The following CADM2 variants were observed in gnomAD, a reference collection of about 807,000 sequenced individuals.
The protein encoded by CADM2 is cell adhesion molecule 2, also known as immunoglobulin superfamily member 4D.
Under a neutral mutation model 49.8 loss-of-function variants are expected in CADM2, and 12 were observed. The observed-to-expected ratio is 0.24, with a 90% CI of 0.15 to 0.39. The LOEUF (loss-of-function observed/expected upper bound fraction) is 0.39. CADM2 is among the 10% of genes least tolerant of loss of function. The pLI is 1.00. For missense variants in CADM2, 378 were observed against 492.3 expected, an observed-to-expected ratio of 0.77 and a Z score of 2.20; for synonymous variants, 214 against 175.4, an observed-to-expected ratio of 1.22 and a Z score of -1.74.
intron 1 of CADM2, among the ~76,000 whole-genome samples, chr3:85,443,417 C>T (rs1235668595): frequency 6.6e-6 from 1 of 152,112 alleles, no homozygotes; most frequent in Non-Finnish European, 1.5e-5. Context: ...TCTCTCCAGC[C>T]TCATTCCCAT....
chr3:85,880,102 T>A (rs1293133743), intron 3 of CADM2, among the ~76,000 whole-genome samples: 1 of 152,214 alleles, frequency 6.6e-6, no homozygotes, highest in Non-Finnish European at 1.5e-5. Flanking sequence ...GGATTCCGTC[T>A]TTATTTATAG....
intron 1 of CADM2, among the ~76,000 whole-genome samples, chr3:85,448,283 A>C (rs1423885499): frequency 6.7e-6 from 1 of 149,514 alleles, no homozygotes; most frequent in African/African-American, 2.5e-5. Context: ...CAGTGAGCCG[A>C]GATCGCGCCA....
intron 6 of CADM2, among the ~76,000 whole-genome samples, chr3:85,913,546 A>AT (rs1717894186): frequency 6.6e-6 from 1 of 152,100 alleles, no homozygotes; most frequent in African/African-American, 2.4e-5. Context: ...TTCAACAATA[A>AT]TTTTTTAGTG....
In CADM2 at chr3:85,734,976, A is replaced by ATGTGTGTGTG. The variant is rs760487519; in HGVS notation, c.88+8429_88+8430insGTGTGTGTGT. 5.9e-3 allele frequency among the ~76,000 whole-genome samples: 674 copies of ATGTGTGTGTG among 113,642 alleles called. 2 individuals are homozygous for ATGTGTGTGTG. Among genetic ancestry groups the ATGTGTGTGTG allele is most frequent in the South Asian group, 0.03 (103 of 3,480 alleles). 74.6% of individuals were successfully genotyped at this position (113,642 alleles called of 152,430 possible). ...TAAAATGTAGCAACTAGAAATATATATATGTGTGTGTGTGTGTGTGTGTAT... is the reference window on the plus strand; with the variant it reads ...TAAAATGTAGCAACTAGAAATATATATGTGTGTGTGTATGTGTGTGTGTGTGTGTGTGTAT... On this transcript the variant is annotated intron_variant, in intron 2 of 9. Coordinates refer to ENST00000383699, the MANE Select transcript of CADM2 (RefSeq NM_001167675.2).
At chr3:85,447,331 G>C (rs540725075) in intron 1 of CADM2, among the ~76,000 whole-genome samples, 2 of 151,974 alleles carry the variant, frequency 1.3e-5, no homozygotes, top group Non-Finnish European at 2.9e-5. Context: ...ATTATAATTT[G>C]TGATAGCCTT....
intron 1 of CADM2, among the ~76,000 whole-genome samples, chr3:85,232,877 T>C (rs2042326491): frequency 6.6e-6 from 1 of 152,182 alleles, no homozygotes; most frequent in Non-Finnish European, 1.5e-5. Flanking sequence ...TATAATTGGA[T>C]GACCACACAT....
intron 2 of CADM2, among the ~76,000 whole-genome samples, chr3:85,773,483 G>A (rs2070204621): frequency 6.6e-6 from 1 of 152,018 alleles, no homozygotes; most frequent in South Asian, 2.1e-4. Flanking sequence ...TGTATTTTCA[G>A]ATGACAGAAA....
intron 1 of CADM2, among the ~76,000 whole-genome samples, chr3:85,717,236 G>C (rs962588788): frequency 1.4e-5 from 2 of 142,896 alleles, no homozygotes; most frequent in Non-Finnish European, 3.2e-5. Context: ...GTGTTCCTAG[G>C]TATTTATTCT....
At chr3:85,951,774 C>T (rs1378616663) in intron 7 of CADM2, among the ~76,000 whole-genome samples, 1 of 150,952 alleles carries the variant, frequency 6.6e-6, no homozygotes, top group Non-Finnish European at 1.5e-5. Flanking sequence ...GTAAAACAAA[C>T]ATCATTTACC....
intron 1 of CADM2, among the ~76,000 whole-genome samples, chr3:85,216,314 C>A (rs995150447): frequency 6.9e-6 from 1 of 145,624 alleles, no homozygotes; most frequent in Admixed American, 6.9e-5. Flanking sequence ...ATATATTTAA[C>A]ATATTAATAT....
At chr3:85,364,977 T>G (rs2032645110) in intron 1 of CADM2, among the ~76,000 whole-genome samples, 1 of 152,162 alleles carries the variant, frequency 6.6e-6, no homozygotes, top group Admixed American at 6.5e-5. Context: ...CGATGTTATT[T>G]TTCACATCCT....
At chr3:85,043,346 C>T (rs2035519038) in intron 1 of CADM2, among the ~76,000 whole-genome samples, 1 of 151,646 alleles carries the variant, frequency 6.6e-6, no homozygotes, top group South Asian at 2.1e-4. Context: ...GTGCCATGTC[C>T]CTAACTCCTT....
chr3:85,491,751 A>C (rs1375290079), intron 1 of CADM2, among the ~76,000 whole-genome samples: 3 of 152,044 alleles, frequency 2.0e-5, no homozygotes, highest in South Asian at 4.1e-4. Flanking sequence ...GGAGATCGAG[A>C]CCATCCTTGC....
At chr3:85,873,906 T>C (rs1336135379) in intron 3 of CADM2, among the ~76,000 whole-genome samples, 2 of 152,108 alleles carry the variant, frequency 1.3e-5, no homozygotes, top group East Asian at 3.9e-4. Context: ...GAAATATTAG[T>C]AAGAAGTGGG....
intron 1 of CADM2, among the ~76,000 whole-genome samples, chr3:85,393,027 C>A (rs2034593148): frequency 6.7e-6 from 1 of 148,746 alleles, no homozygotes. Context: ...TGAACAATTT[C>A]AGGGATGCAG....
chr3:85,055,007 G>T (rs963198710), intron 1 of CADM2, among the ~76,000 whole-genome samples: 1 of 151,846 alleles, frequency 6.6e-6, no homozygotes, highest in African/African-American at 2.4e-5. Context: ...TTAATATCCA[G>T]TGCTGAAAGT....
chr3:85,883,085 AAGG>A (rs1312525147), intron 3 of CADM2, among the ~76,000 whole-genome samples: 3 of 152,216 alleles, frequency 2.0e-5, no homozygotes, highest in Non-Finnish European at 4.4e-5. Context: ...TGAAAACATT[AAGG>A]AGCACCTAAT....
intron 1 of CADM2, among the ~76,000 whole-genome samples, chr3:85,717,090 A>T (rs1208718565): frequency 1.3e-5 from 2 of 152,084 alleles, no homozygotes; most frequent in Non-Finnish European, 2.9e-5. Flanking sequence ...TTTGGGCTGT[A>T]TGGCCATTTT....
At chr3:85,417,186 C>A (rs1437044006) in intron 1 of CADM2, among the ~76,000 whole-genome samples, 1 of 151,460 alleles carries the variant, frequency 6.6e-6, no homozygotes, top group Non-Finnish European at 1.5e-5. Context: ...CATTTTGTAC[C>A]CATTTATTTC....
Sources: gnomAD v4.1 joint callset for allele counts (sites outside exome capture counted in the v4.1 genomes callset) on GRCh38, gnomAD v4.1.1 for gene constraint, MANE v1.5 for transcripts, NCBI Gene and HGNC (gene_info 2026-07-23, HGNC 2026-07-21) for gene names.